The following PCYT1A variants were observed in gnomAD, a reference collection of about 807,000 sequenced individuals.
PCYT1A encodes choline-phosphate cytidylyltransferase A.
Under a neutral mutation model 43.7 loss-of-function variants are expected in PCYT1A, and 25 were observed. The observed-to-expected ratio is 0.57, with a 90% CI of 0.42 to 0.80. The LOEUF (loss-of-function observed/expected upper bound fraction) is 0.80. Among genes scored for constraint, PCYT1A ranks in the 30% least tolerant of loss-of-function variants. PCYT1A has a pLI of 0.00. For missense variants in PCYT1A, 421 were observed against 474.2 expected, an observed-to-expected ratio of 0.89 and a Z score of 1.04; for synonymous variants, 172 against 170.7, an observed-to-expected ratio of 1.01 and a Z score of -0.06.
rs777128477 is a variant in PCYT1A, at chr3:196,242,139, C to T, written c.566-49G>A. On this transcript the variant is annotated intron_variant, in intron 6 of 8. Coordinates refer to ENST00000431016, the MANE Select transcript of PCYT1A (RefSeq NM_001312673.2). This position sits in a 1 kb window ranked among gnomAD's most constrained non-coding sequence, Gnocchi z 4.2. ...AAACACTGTGAGGTTCTGGTTAGCTCAGGTATTAAGACTAAATGGAAATTG... is the reference window on the plus strand; with the variant it reads ...AAACACTGTGAGGTTCTGGTTAGCTTAGGTATTAAGACTAAATGGAAATTG... 4 of 1,598,616 alleles carry T rather than the reference C, an allele frequency of 2.5e-6. No individual in the cohort carries two copies. Among genetic ancestry groups the T allele is most frequent in the Non-Finnish European group, 3.4e-6 (4 of 1,167,870 alleles).
At position 196,270,527 on chromosome 3, in the gene PCYT1A, T is replaced by G. The variant is rs1289492978; in HGVS notation, c.5A>C (p.Asp2Ala). 3 of 1,611,566 alleles carry G rather than the reference T, an allele frequency of 1.9e-6. No individual in the cohort carries two copies. In the African/African-American group the frequency reaches 4.0e-5, roughly 22 times the overall value. Residue 2 changes from aspartate to alanine, a missense_variant, in exon 2 of 9, where the codon GAT (aspartate) becomes GCT (alanine). By Grantham distance (126) the Asp-to-Ala change is moderately radical. This residue lies in a region of PCYT1A where 139 missense variants were observed against 117.7 expected (regional missense o/e 1.18). Transcript: ENST00000431016. Reference protein sequence around the residue: MDAQCSAKVNAR... With the variant: MAAQCSAKVNAR... ...ATTGACCTTGGCTGAACACTGTGCATCCATCTTCTTTTAACTGGTCATAGA... is the reference window on the plus strand; with the variant it reads ...ATTGACCTTGGCTGAACACTGTGCAGCCATCTTCTTTTAACTGGTCATAGA...
chr3:196,259,091 C>T (rs1311168150), intron 2 of PCYT1A, among the ~76,000 whole-genome samples: 1 of 152,150 alleles, frequency 6.6e-6, no homozygotes, highest in East Asian at 1.9e-4. Flanking sequence ...GATCATAGCT[C>T]TCTGCAGCCT....
At chr3:196,239,509 A>G (rs755304269) in intron 8 of PCYT1A, 38 bp downstream of exon 8, 1 of 1,349,688 alleles carries the variant, frequency 7.4e-7, no homozygotes, top group South Asian at 1.2e-5. Context: ...TTTCCACAAC[A>G]TGGAACTCCC....
intron 7 of PCYT1A, chr3:196,240,678 G>A (rs756998014): frequency 2.6e-5 from 4 of 152,062 alleles, no homozygotes; most frequent in Admixed American, 6.6e-5. Flanking sequence ...ATGACTGAGT[G>A]TGACTCTATC....
rs1724223040 is a variant in PCYT1A at position 196,238,085 on chromosome 3, C to T, written c.*603G>A. 6.6e-6 allele frequency: 1 copy of T among 152,268 alleles called. No individual in the cohort carries two copies. The highest frequency in any genetic ancestry group is 2.1e-4 in the South Asian group (1 of 4,834). 9.4% of individuals were successfully genotyped at this position (152,268 alleles called of 1,614,324 possible). A position where few individuals can be genotyped will look rare whatever the true frequency, so the allele number is the denominator to read the frequency against. Reference sequence around the variant, plus strand: ...GTAAGAAAAGTTAGGTTCAGATCTCCTTCCCGCAGCCACAATGACACTGGT... The same window carrying T: ...GTAAGAAAAGTTAGGTTCAGATCTCTTTCCCGCAGCCACAATGACACTGGT... On this transcript the variant is annotated 3_prime_UTR_variant, in exon 9 of 9. Coordinates refer to ENST00000431016, the MANE Select transcript of PCYT1A (RefSeq NM_001312673.2).
At position 196,253,297 on chromosome 3, in the gene PCYT1A, A is replaced by T. The variant is rs1383373337; in HGVS notation, c.217+4491T>A. Among the ~76,000 whole-genome samples, 3 of 145,018 alleles carry T rather than the reference A, an allele frequency of 2.1e-5. No homozygotes were observed. The East Asian group carries it at 6.2e-4, about 30-fold the overall frequency. ...GGTTGCAGTGAGCTGAGATCGCGCC[A>T]CTGCACTCCAGCCTGCGAGACAGAG... On this transcript the variant is annotated intron_variant, in intron 3 of 8. Coordinates refer to ENST00000431016, the MANE Select transcript of PCYT1A (RefSeq NM_001312673.2).
chr3:196,259,844 C>CA lies in PCYT1A; in HGVS notation c.118-1958dup, dbSNP rs112667455. Among the ~76,000 whole-genome samples, 151 of 99,854 alleles carry CA rather than the reference C, an allele frequency of 1.5e-3. 1 individual carries two copies. The highest frequency in any genetic ancestry group is 5.4e-3 in the South Asian group (17 of 3,160). The allele number at this position is 99,854 out of a possible 152,430, so 65.5% of individuals were successfully genotyped here. ...TGGGCAACAGAGCAAGACCCTGTCT[C>CA]AAAAAAAAAAAAATCACTTATATAA... is the stretch of plus-strand genomic sequence containing the variant. On this transcript the variant is annotated intron_variant, in intron 2 of 8. Coordinates refer to ENST00000431016, the MANE Select transcript of PCYT1A (RefSeq NM_001312673.2).
rs1018136397 is a variant in PCYT1A at position 196,238,452 on chromosome 3, G to T, written c.*236C>A. On this transcript the variant is annotated 3_prime_UTR_variant, in exon 9 of 9. Transcript: ENST00000431016. ...CAGTGAAACAAAGCCCTTGGGGGGG[G>T]GTAAATGGATGCAGAGCAGGCTTCT... 1.9e-5 allele frequency: 7 copies of T among 365,844 alleles called. No individual in the cohort carries two copies. Among genetic ancestry groups the T allele is most frequent in the Non-Finnish European group, 3.4e-5 (7 of 204,370 alleles). The allele number at this position is 365,844 out of a possible 1,614,324, so 22.7% of individuals were successfully genotyped here. A position where few individuals can be genotyped will look rare whatever the true frequency, so the allele number is the denominator to read the frequency against.
intron 3 of PCYT1A, chr3:196,250,605 C>G (rs987055315): frequency 1.2e-5 from 2 of 163,962 alleles, no homozygotes; most frequent in Non-Finnish European, 1.3e-5. Context: ...ATCAGATACA[C>G]TATGCTGAGG....
At chr3:196,286,661 C>T (rs1278743596) in intron 1 of PCYT1A, among the ~76,000 whole-genome samples, 2 of 152,184 alleles carry the variant, frequency 1.3e-5, no homozygotes, top group Non-Finnish European at 2.9e-5. Context: ...ACACTGTAAT[C>T]CCAGCATTTT....
At chr3:196,260,169 C>T (rs546769743) in intron 2 of PCYT1A, among the ~76,000 whole-genome samples, 40 of 152,042 alleles carry the variant, frequency 2.6e-4, no homozygotes, top group African/African-American at 6.3e-4. Context: ...GTGATCCACC[C>T]GCTTCGGCCT....
chr3:196,253,650 G>C (rs938027131), intron 3 of PCYT1A, among the ~76,000 whole-genome samples: 3 of 152,108 alleles, frequency 2.0e-5, no homozygotes. Flanking sequence ...CCTTTTCTCA[G>C]ACCAATCCCA....
chr3:196,276,753 T>C (rs766875119), intron 1 of PCYT1A, among the ~76,000 whole-genome samples: 7 of 152,116 alleles, frequency 4.6e-5, no homozygotes, highest in Non-Finnish European at 8.8e-5. Flanking sequence ...GGTGAAAGTT[T>C]GCTGAGGAAT....
chr3:196,243,501 C>T (rs911501040), intron 5 of PCYT1A, among the ~76,000 whole-genome samples: 5 of 151,726 alleles, frequency 3.3e-5, no homozygotes, highest in Non-Finnish European at 3.0e-5. Flanking sequence ...TCTCCCTCTC[C>T]CCTCTCCCTT....
rs1027660247 is a variant in PCYT1A, at chr3:196,252,089, C to T, written c.218-3766G>A. On this transcript the variant is annotated intron_variant, in intron 3 of 8. Transcript: ENST00000431016. This position sits in a 1 kb window ranked among gnomAD's most constrained non-coding sequence, Gnocchi z 4.0. ...ACGCCCCGCTGACTACAGCGCACCC[C>T]GCCACGCCCCGCAGACTACAGCGCA... Among the ~76,000 whole-genome samples the T allele has an allele frequency of 5.3e-5, 8 of 151,114 alleles. No individual in the cohort carries two copies. Among genetic ancestry groups the T allele is most frequent in the South Asian group, 4.2e-4 (2 of 4,788 alleles).
At chr3:196,260,711 G>A (rs1389842692) in intron 2 of PCYT1A, among the ~76,000 whole-genome samples, 1 of 152,064 alleles carries the variant, frequency 6.6e-6, no homozygotes, top group African/African-American at 2.4e-5. Flanking sequence ...GTGGCGTGGT[G>A]CATGCCTGCA....
At position 196,247,551 on chromosome 3, in the gene PCYT1A, G is replaced by A. The variant is rs771318144; in HGVS notation, c.335-33C>T. The A allele has an allele frequency of 2.2e-5, 36 of 1,610,440 alleles. No homozygotes were observed. The highest frequency in any genetic ancestry group is 3.1e-5 in the Non-Finnish European group (36 of 1,176,816). ...ACCACATCATAAATTGTGTGTTGGA[G>A]TCCTCTTTGCTTAGCACCTCCTCAG... On this transcript the variant is annotated intron_variant, in intron 4 of 8. Coordinates refer to ENST00000431016, the MANE Select transcript of PCYT1A (RefSeq NM_001312673.2). The surrounding 1 kb of genome is among the most constrained non-coding windows in gnomAD (Gnocchi z 4.8).
intron 5 of PCYT1A, among the ~76,000 whole-genome samples, chr3:196,244,516 G>A (rs1447279000): frequency 2.0e-5 from 3 of 152,114 alleles, no homozygotes; most frequent in Admixed American, 2.0e-4. Context: ...CGGGAGGTGA[G>A]GGGCGCCTCT....
At position 196,239,319 on chromosome 3, in the gene PCYT1A, CCA is replaced by C. The variant is rs1356708903; in HGVS notation, c.897+226_897+227del. Reference sequence around the variant, plus strand: ...GCAAGGCGACTTGCTTATCTTGTCACCAGACTTTAAGGTTGAGAGAGAGCTGG... The same window carrying C: ...GCAAGGCGACTTGCTTATCTTGTCACGACTTTAAGGTTGAGAGAGAGCTGG... On this transcript the variant is annotated intron_variant, in intron 8 of 8. Coordinates refer to ENST00000431016, the MANE Select transcript of PCYT1A (RefSeq NM_001312673.2). Among the ~76,000 whole-genome samples, 3 of 152,176 alleles carry C rather than the reference CCA, an allele frequency of 2.0e-5. No homozygotes were observed. The East Asian group carries it at 5.8e-4, about 29-fold the overall frequency.
Sources: allele counts gnomAD v4.1 joint callset (sites outside exome capture counted in the v4.1 genomes callset), GRCh38; gene constraint gnomAD v4.1.1; regional missense constraint gnomAD v4.1.1; non-coding constraint Gnocchi (gnomAD v3.1); transcripts MANE v1.5; gene names NCBI Gene and HGNC (gene_info 2026-07-23, HGNC 2026-07-21).